Variants in TNRC6A observed in about 807,000 individuals in gnomAD.
TNRC6A encodes trinucleotide repeat containing adaptor 6A.
A neutral mutation model predicts 221.2 loss-of-function variants in TNRC6A; 44 were observed. That is an observed-to-expected ratio of 0.20 (90% CI 0.16 to 0.26). TNRC6A has a LOEUF of 0.26. Ranked by LOEUF, TNRC6A falls within the 10% of genes least tolerant of loss-of-function variation. The probability of loss-of-function intolerance (pLI) is 1.00; values close to 1 mark genes in which losing one functional copy is unlikely to be tolerated. For synonymous variants in TNRC6A, 847 were observed against 838.5 expected (o/e 1.01, Z -0.18); for missense variants, 2,199 against 2,404.4 (o/e 0.91, Z 1.79).
intron 2 of TNRC6A, among the ~76,000 whole-genome samples, chr16:24,703,967 C>A (rs1399991125): frequency 6.6e-6 from 1 of 151,218 alleles, no homozygotes; most frequent in African/African-American, 2.4e-5. Context: ...ACTTGTAGTC[C>A]CAGCTACTTG....
intron 1 of TNRC6A, among the ~76,000 whole-genome samples, chr16:24,616,261 G>T (rs539250749): frequency 1.4e-3 from 213 of 151,066 alleles, no homozygotes; most frequent in African/African-American, 5.1e-3. Context: ...GGGAGGCAGA[G>T]GTTGCAGTGA....
intron 2 of TNRC6A, among the ~76,000 whole-genome samples, chr16:24,657,245 G>A (rs994149841): frequency 1.3e-5 from 2 of 148,338 alleles, no homozygotes; most frequent in African/African-American, 4.9e-5. Flanking sequence ...TTGAGCCTGG[G>A]AGGTCAAGGC....
chr16:24,797,848 C>T (rs574218628), intron 10 of TNRC6A, 67 bp from the exon 11 acceptor site: 2 of 1,408,106 alleles, frequency 1.4e-6, no homozygotes, highest in South Asian at 1.4e-5. Context: ...CAGTAAAATT[C>T]TTCATTTTTT....
chr16:24,644,081 ATTTTTT>A (rs748251760), intron 2 of TNRC6A, among the ~76,000 whole-genome samples: 5 of 81,564 alleles, frequency 6.1e-5, no homozygotes, highest in Non-Finnish European at 1.1e-4. Flanking sequence ...CTTATCTTTA[ATTTTTT>A]TTTTTTTTTT....
intron 2 of TNRC6A, among the ~76,000 whole-genome samples, chr16:24,736,444 G>A (rs751074401): frequency 6.6e-6 from 1 of 152,160 alleles, no homozygotes; most frequent in East Asian, 1.9e-4. Flanking sequence ...TTTTAAAGTT[G>A]TATTTGTTCT....
At chr16:24,687,884 C>CAGAAGAAGAAGAAGAAGAAGA (rs1567357177) in intron 2 of TNRC6A, among the ~76,000 whole-genome samples, 1 of 112,034 alleles carries the variant, frequency 8.9e-6, no homozygotes, top group African/African-American at 4.3e-5. Flanking sequence ...GAAGAAGAAG[C>CAGAAGAAGAAGAAGAAGAAGA]AGCTTATTCC....
chr16:24,765,840 T>A (rs1435929180), intron 4 of TNRC6A, among the ~76,000 whole-genome samples: 1 of 152,184 alleles, frequency 6.6e-6, no homozygotes, highest in Non-Finnish European at 1.5e-5. Context: ...GAAAGGAAAA[T>A]GATTTCCATA....
At chr16:24,666,642 A>G (rs2055170151) in intron 2 of TNRC6A, among the ~76,000 whole-genome samples, 2 of 73,444 alleles carry the variant, frequency 2.7e-5, no homozygotes, top group African/African-American at 2.1e-4. Context: ...TCTTAGAGAA[A>G]AAAAAAAAAA....
chr16:24,746,873 C>T (rs369469300), intron 2 of TNRC6A, among the ~76,000 whole-genome samples: 2 of 152,162 alleles, frequency 1.3e-5, no homozygotes, highest in South Asian at 4.1e-4. Flanking sequence ...ACCCTGCTCC[C>T]TTGATAGGCC....
At chr16:24,663,868 G>T in intron 2 of TNRC6A, 1 of 455,220 alleles carries the variant, frequency 2.2e-6, no homozygotes, top group Non-Finnish European at 4.4e-6. Context: ...ATGGCCCAAG[G>T]CCCCAGATAT....
At chr16:24,665,341 C>A (rs1395922697) in intron 2 of TNRC6A, among the ~76,000 whole-genome samples, 1 of 152,094 alleles carries the variant, frequency 6.6e-6, no homozygotes, top group East Asian at 1.9e-4. Context: ...TCCTAAAGCG[C>A]TGGGATTACA....
chr16:24,780,894 C>T (rs1382257308), intron 5 of TNRC6A, among the ~76,000 whole-genome samples: 2 of 151,952 alleles, frequency 1.3e-5, no homozygotes, highest in Admixed American at 6.6e-5. Context: ...CCCATCCATC[C>T]GTGCTCTTGC....
chr16:24,801,606 A>G (rs1377053822), intron 11 of TNRC6A, among the ~76,000 whole-genome samples: 3 of 149,838 alleles, frequency 2.0e-5, no homozygotes, highest in East Asian at 1.9e-4. Flanking sequence ...GCTCACTGCA[A>G]CCTCTGCCTC....
chr16:24,790,153 T>G lies in TNRC6A; in HGVS notation c.1511T>G (p.Leu504Arg). 6.2e-7 allele frequency: 1 copy of G among 1,614,220 alleles called. No homozygotes were observed. Among genetic ancestry groups the G allele is most frequent in the African/African-American group, 1.3e-5 (1 of 75,064 alleles). The change falls in exon 6 of 25, where the codon CTT becomes CGT. Residue 504 changes from leucine to arginine, a missense_variant. Coordinates refer to ENST00000395799, the MANE Select transcript of TNRC6A (RefSeq NM_014494.4). ...CCATCAGGTATGAATGGCACTTCCCTTTCTCACCTTAGCAATGGAGAGTCA... is the reference window on the plus strand; with the variant it reads ...CCATCAGGTATGAATGGCACTTCCCGTTCTCACCTTAGCAATGGAGAGTCA... ...QAPSGMNGTS[L>R]SHLSNGESKS... is the part of the protein sequence containing the mutation.
intron 2 of TNRC6A, among the ~76,000 whole-genome samples, chr16:24,734,541 ACTT>A (rs2056718975): frequency 6.6e-6 from 1 of 152,188 alleles, no homozygotes; most frequent in African/African-American, 2.4e-5. Flanking sequence ...CAGCATTCTG[ACTT>A]CTTCATTTCT....
At chr16:24,793,724 A>G in intron 7 of TNRC6A, 75 bp downstream of exon 7, 8 of 1,181,688 alleles carry the variant, frequency 6.8e-6, no homozygotes, top group Non-Finnish European at 8.8e-6. Context: ...AAATAATTAG[A>G]TAAGGTTTCT....
At chr16:24,738,545 ATGATACTTTT>A (rs2056821570) in intron 2 of TNRC6A, among the ~76,000 whole-genome samples, 1 of 152,170 alleles carries the variant, frequency 6.6e-6, no homozygotes, top group South Asian at 2.1e-4. Flanking sequence ...ATCATACTAT[ATGATACTTTT>A]GTACGTGACT....
intron 9 of TNRC6A, among the ~76,000 whole-genome samples, chr16:24,796,548 A>G (rs1296956352): frequency 1.3e-5 from 2 of 152,208 alleles, no homozygotes; most frequent in East Asian, 1.9e-4. Context: ...TTCAGTCAGA[A>G]TAGAAAGGAC....
At chr16:24,690,005 AAAAAAAAAAAAAAAAAAAAAAAT>A (rs1308629198) in intron 2 of TNRC6A, among the ~76,000 whole-genome samples, 2 of 57,542 alleles carry the variant, frequency 3.5e-5, no homozygotes, top group African/African-American at 2.5e-4. Context: ...AAAAAAAAAA[AAAAAAAAAAAAAAAAAAAAAAAT>A]TTTTTTTTTT....
Sources: allele counts gnomAD v4.1 joint callset (sites outside exome capture counted in the v4.1 genomes callset), GRCh38; gene constraint gnomAD v4.1.1; transcripts MANE v1.5; gene names NCBI Gene and HGNC (gene_info 2026-07-23, HGNC 2026-07-21).